Variants in ZBBX observed in about 807,000 individuals in gnomAD.
The protein encoded by ZBBX is zinc finger B-box domain-containing protein 1.
A neutral mutation model predicts 108.5 loss-of-function variants in ZBBX; 101 were observed. That is an observed-to-expected ratio of 0.93 (90% CI 0.79 to 1.10). The LOEUF is 1.10. Ranked by LOEUF, ZBBX falls within the 50% of genes least tolerant of loss-of-function variation. ZBBX has a pLI of 0.00. For missense variants in ZBBX, 1,009 were observed against 941.4 expected (o/e 1.07, Z -0.94); for synonymous variants, 356 against 323.4 (o/e 1.10, Z -1.08).
chr3:167,375,045 T>G (rs762221360), intron 2 of ZBBX, among the ~76,000 whole-genome samples: 3 of 152,250 alleles, frequency 2.0e-5, no homozygotes, highest in Non-Finnish European at 4.4e-5. Flanking sequence ...CATTTGGAAT[T>G]TATTCTGTAG....
intron 20 of ZBBX, among the ~76,000 whole-genome samples, chr3:167,268,899 A>G (rs1289930206): frequency 6.6e-6 from 1 of 152,174 alleles, no homozygotes; most frequent in Non-Finnish European, 1.5e-5. Context: ...ACCCCCGTTT[A>G]AAAGAACCAA....
chr3:167,400,068 G>C (rs961558869), intron 1 of ZBBX, among the ~76,000 whole-genome samples: 1 of 152,166 alleles, frequency 6.6e-6, no homozygotes, highest in Non-Finnish European at 1.5e-5. Context: ...GTATTCCGTA[G>C]TGTATATGTA....
At chr3:167,339,680 C>G (rs779442528) in intron 9 of ZBBX, among the ~76,000 whole-genome samples, 1 of 152,046 alleles carries the variant, frequency 6.6e-6, no homozygotes, top group Non-Finnish European at 1.5e-5. Context: ...ATTTTAAGTT[C>G]CAGGATACAT....
chr3:167,191,930 TATATAG>T, the ZBBX span, among the ~76,000 whole-genome samples: 1 of 127,266 alleles, frequency 7.9e-6, no homozygotes, highest in African/African-American at 3.3e-5. Flanking sequence ...TATATATATA[TATATAG>T]AGCAAGTTAT....
At chr3:167,314,204 A>T (rs1735059191) in intron 15 of ZBBX, 88 bp from the exon 16 acceptor site, 2 of 1,150,704 alleles carry the variant, frequency 1.7e-6, no homozygotes, top group Non-Finnish European at 2.4e-6. Flanking sequence ...ATTAAAACAA[A>T]TATAGTAAAA....
chr3:167,302,291 T>A (rs1237137715), intron 17 of ZBBX, among the ~76,000 whole-genome samples: 1 of 152,186 alleles, frequency 6.6e-6, no homozygotes, highest in Non-Finnish European at 1.5e-5. Flanking sequence ...GATTTGTCAA[T>A]AATACCATGT....
the ZBBX span, among the ~76,000 whole-genome samples, chr3:167,182,883 A>T: frequency 6.6e-6 from 1 of 152,138 alleles, no homozygotes; most frequent in Admixed American, 6.5e-5. Flanking sequence ...TAGCTATATT[A>T]TTTCCCTGTT....
At chr3:167,334,245 CAT>C (rs138429102) in intron 9 of ZBBX, among the ~76,000 whole-genome samples, 183 of 152,234 alleles carry the variant, frequency 1.2e-3, no homozygotes, top group African/African-American at 4.3e-3. Flanking sequence ...AATTCTAAAA[CAT>C]AAATATTTTT....
chr3:167,248,455 T>C (rs765433150), intron 20 of ZBBX, among the ~76,000 whole-genome samples: 58 of 152,176 alleles, frequency 3.8e-4, no homozygotes, highest in Non-Finnish European at 6.5e-4. Context: ...TTTCTTTTTT[T>C]TTTTCCTCTT....
chr3:167,245,467 C>T (rs1721410454), intron 20 of ZBBX, among the ~76,000 whole-genome samples: 1 of 152,118 alleles, frequency 6.6e-6, no homozygotes, highest in East Asian at 1.9e-4. Flanking sequence ...TCCATGCTTG[C>T]ATCCCTTTAC....
chr3:167,271,095 A>G (rs530994320), intron 20 of ZBBX, among the ~76,000 whole-genome samples: 1 of 152,320 alleles, frequency 6.6e-6, no homozygotes, highest in South Asian at 2.1e-4. Flanking sequence ...CAAACTTGTG[A>G]GTTGTTTGCA....
At chr3:167,260,133 T>G (rs888787812) in intron 20 of ZBBX, among the ~76,000 whole-genome samples, 3 of 152,174 alleles carry the variant, frequency 2.0e-5, no homozygotes, top group Non-Finnish European at 2.9e-5. Context: ...TGGTAATTGT[T>G]TTGTTTGAGA....
At chr3:167,259,555 G>C (rs1724100573) in intron 20 of ZBBX, among the ~76,000 whole-genome samples, 2 of 151,972 alleles carry the variant, frequency 1.3e-5, no homozygotes, top group South Asian at 4.1e-4. Context: ...GTTCCTTGAG[G>C]TGTGACCTTA....
At chr3:167,252,052 C>A (rs1038228205) in intron 20 of ZBBX, 2 of 956,132 alleles carry the variant, frequency 2.1e-6, no homozygotes, top group Non-Finnish European at 2.9e-6. Flanking sequence ...AACACCTCTG[C>A]CCTTCTCAGG....
chr3:167,219,927 T>C, the ZBBX span, among the ~76,000 whole-genome samples: 1 of 151,920 alleles, frequency 6.6e-6, no homozygotes, highest in Admixed American at 6.6e-5. Flanking sequence ...TTACAGCCGA[T>C]ACTGCAGAAA....
At chr3:167,247,285 G>A (rs1304395894) in intron 20 of ZBBX, among the ~76,000 whole-genome samples, 1 of 152,138 alleles carries the variant, frequency 6.6e-6, no homozygotes, top group African/African-American at 2.4e-5. Context: ...TACACTGACA[G>A]ACTCTGGCAC....
At chr3:167,406,101 T>C (rs1748576690) in intron 1 of ZBBX, among the ~76,000 whole-genome samples, 1 of 152,204 alleles carries the variant, frequency 6.6e-6, no homozygotes, top group African/African-American at 2.4e-5. Flanking sequence ...AATAGATTAT[T>C]GTAGTTTCTT....
intron 15 of ZBBX, 97 bp downstream of exon 15, chr3:167,315,653 T>C: frequency 1.2e-6 from 1 of 855,498 alleles, no homozygotes; most frequent in Non-Finnish European, 1.9e-6. Flanking sequence ...ACATGTTTTT[T>C]CACACCACAT....
chr3:167,284,843 A>T (rs1460981650), intron 19 of ZBBX, among the ~76,000 whole-genome samples: 1 of 152,106 alleles, frequency 6.6e-6, no homozygotes, highest in Non-Finnish European at 1.5e-5. Flanking sequence ...AAGCCAATAT[A>T]TCATTCTTTC....
Sources: gnomAD v4.1 joint callset for allele counts (sites outside exome capture counted in the v4.1 genomes callset) on GRCh38, gnomAD v4.1.1 for gene constraint, MANE v1.5 for transcripts, NCBI Gene and HGNC (gene_info 2026-07-23, HGNC 2026-07-21) for gene names.